The following UBE2E2 variants were observed in gnomAD, a reference collection of about 807,000 sequenced individuals.
UBE2E2 encodes the protein ubiquitin-conjugating enzyme E2 E2.
A neutral mutation model predicts 24.7 loss-of-function variants in UBE2E2; 6 were observed. The observed-to-expected ratio is 0.24, with a 90% CI of 0.13 to 0.48. The LOEUF is 0.48. UBE2E2 is among the 20% of genes least tolerant of loss of function. The pLI, the probability that UBE2E2 is intolerant of heterozygous loss-of-function variation, is 0.99. For missense variants in UBE2E2, 169 were observed against 245.0 expected (o/e 0.69, Z 2.07); for synonymous variants, 104 against 83.6 (o/e 1.24, Z -1.33).
chr3:23,274,286 T>C (rs918063880), intron 3 of UBE2E2, among the ~76,000 whole-genome samples: 2 of 152,166 alleles, frequency 1.3e-5, no homozygotes, highest in Non-Finnish European at 2.9e-5. Flanking sequence ...ATGATTTTTT[T>C]CCCTCTTTCT....
chr3:23,574,175 C>G (rs1696290599), intron 5 of UBE2E2, among the ~76,000 whole-genome samples: 1 of 151,976 alleles, frequency 6.6e-6, no homozygotes, highest in Non-Finnish European at 1.5e-5. Flanking sequence ...AAAATTAAAA[C>G]CACTGAACTC....
chr3:23,264,483 T>G (rs1454265956), intron 3 of UBE2E2, among the ~76,000 whole-genome samples: 1 of 152,144 alleles, frequency 6.6e-6, no homozygotes, highest in East Asian at 1.9e-4. Context: ...TCTGGGAGAT[T>G]TGGGATGATT....
At chr3:23,401,981 C>A (rs181619034) in intron 3 of UBE2E2, among the ~76,000 whole-genome samples, 1 of 151,530 alleles carries the variant, frequency 6.6e-6, no homozygotes, top group African/African-American at 2.4e-5. Flanking sequence ...CTCAGCCTCC[C>A]GAATAGCTGG....
intron 4 of UBE2E2, among the ~76,000 whole-genome samples, chr3:23,507,338 T>C (rs1413508671): frequency 6.6e-6 from 1 of 152,350 alleles, no homozygotes; most frequent in Non-Finnish European, 1.5e-5. Context: ...CTTGGTGTTA[T>C]ATATTTCTTT....
chr3:23,474,939 G>T lies in UBE2E2; in HGVS notation c.228-24669G>T, dbSNP rs74467184. On this transcript the variant is annotated intron_variant, in intron 3 of 5. Transcript: ENST00000396703. The surrounding 1 kb of genome is among the most constrained non-coding windows in gnomAD (Gnocchi z 4.0). Reference sequence around the variant, plus strand: ...TTTTTTTATTTCTTAACCCACAACCGATGACAAGCATTTCACTCAAATTGC... The same window carrying T: ...TTTTTTTATTTCTTAACCCACAACCTATGACAAGCATTTCACTCAAATTGC... Among the ~76,000 whole-genome samples the T allele has an allele frequency of 6.6e-6, 1 of 151,852 alleles. No homozygotes were observed. Among genetic ancestry groups the T allele is most frequent in the Non-Finnish European group, 1.5e-5 (1 of 68,010 alleles).
At chr3:23,404,500 T>C (rs1451953749) in intron 3 of UBE2E2, among the ~76,000 whole-genome samples, 1 of 152,212 alleles carries the variant, frequency 6.6e-6, no homozygotes, top group Non-Finnish European at 1.5e-5. Context: ...AATTGAGAGC[T>C]CTGAGTTCAT....
chr3:23,270,647 TTC>T (rs1484100053), intron 3 of UBE2E2, among the ~76,000 whole-genome samples: 3 of 152,188 alleles, frequency 2.0e-5, no homozygotes, highest in Non-Finnish European at 4.4e-5. Flanking sequence ...CTCTGAAGCT[TTC>T]AGTCTTTTAA....
chr3:23,236,517 T>C lies in UBE2E2; in HGVS notation c.227+19205T>C, dbSNP rs370352784. 3.4e-5 allele frequency among the ~76,000 whole-genome samples: 5 copies of C among 148,962 alleles called. No individual in the cohort carries two copies. In the East Asian group the frequency reaches 8.1e-4, roughly 24 times the overall value. On this transcript the variant is annotated intron_variant, in intron 3 of 5. Coordinates refer to ENST00000396703, the MANE Select transcript of UBE2E2 (RefSeq NM_152653.4). Reference sequence around the variant, plus strand: ...TTTTTTTTGGCCTGTGGACTGAACATAGCTGTTCAGTGTGTATCATTATTT... The same window carrying C: ...TTTTTTTTGGCCTGTGGACTGAACACAGCTGTTCAGTGTGTATCATTATTT...
chr3:23,483,605 A>G (rs758117930), intron 3 of UBE2E2, among the ~76,000 whole-genome samples: 4 of 152,208 alleles, frequency 2.6e-5, no homozygotes, highest in South Asian at 2.1e-4. Context: ...GTGCCTATCA[A>G]ACTTTTAATG....
At chr3:23,569,405 T>C (rs1696169837) in intron 5 of UBE2E2, among the ~76,000 whole-genome samples, 1 of 152,176 alleles carries the variant, frequency 6.6e-6, no homozygotes, top group African/African-American at 2.4e-5. Flanking sequence ...TGGATTGTGG[T>C]AATGGTTGCC....
chr3:23,482,536 T>C (rs1699279068), intron 3 of UBE2E2, among the ~76,000 whole-genome samples: 1 of 152,154 alleles, frequency 6.6e-6, no homozygotes, highest in Non-Finnish European at 1.5e-5. Context: ...CTGCCCACGC[T>C]GTTCTTGACT....
At position 23,440,787 on chromosome 3, in the gene UBE2E2, A is replaced by T. The variant is rs547842546; in HGVS notation, c.228-58821A>T. Among the ~76,000 whole-genome samples the T allele has an allele frequency of 1.9e-4, 29 of 150,224 alleles. No homozygotes were observed. The East Asian group carries it at 3.4e-3, about 17-fold the overall frequency. On this transcript the variant is annotated intron_variant, in intron 3 of 5. Transcript: ENST00000396703. ...CTGAGTTATTCTTTGACTTGGATTT[A>T]AAAAAAAAGAAAAAAAGTGTCCTGA...
chr3:23,324,108 A>G (rs971707597), intron 3 of UBE2E2, among the ~76,000 whole-genome samples: 1 of 152,076 alleles, frequency 6.6e-6, no homozygotes, highest in Admixed American at 6.5e-5. Context: ...ACTACTTACT[A>G]TATGATGTCT....
At chr3:23,531,344 A>C (rs1377769240) in intron 4 of UBE2E2, among the ~76,000 whole-genome samples, 1 of 152,108 alleles carries the variant, frequency 6.6e-6, no homozygotes, top group Non-Finnish European at 1.5e-5. Context: ...TCAACTTAAA[A>C]TTTAAGAACA....
intron 3 of UBE2E2, among the ~76,000 whole-genome samples, chr3:23,293,510 C>T (rs1211134947): frequency 6.6e-6 from 1 of 152,062 alleles, no homozygotes; most frequent in Non-Finnish European, 1.5e-5. Context: ...TGAGATAATA[C>T]GGTCTTACGT....
chr3:23,215,050 A>G (rs766627649), intron 2 of UBE2E2, among the ~76,000 whole-genome samples: 22 of 152,080 alleles, frequency 1.4e-4, no homozygotes, highest in Non-Finnish European at 2.9e-4. Context: ...TGATAGTTAA[A>G]ATTTTTTTAA....
chr3:23,347,405 G>T (rs1695591282), intron 3 of UBE2E2, among the ~76,000 whole-genome samples: 1 of 152,180 alleles, frequency 6.6e-6, no homozygotes, highest in African/African-American at 2.4e-5. Flanking sequence ...CCTTTGCAGG[G>T]ACATGGATGA....
chr3:23,523,781 C>G (rs1694922972), intron 4 of UBE2E2, among the ~76,000 whole-genome samples: 1 of 151,008 alleles, frequency 6.6e-6, no homozygotes, highest in Non-Finnish European at 1.5e-5. Context: ...GCAGTGCTCT[C>G]AAATTGGTTT....
intron 5 of UBE2E2, among the ~76,000 whole-genome samples, chr3:23,540,067 A>C (rs914112910): frequency 6.6e-6 from 1 of 151,954 alleles, no homozygotes; most frequent in Non-Finnish European, 1.5e-5. Context: ...TTTATTATTT[A>C]TTTATTTATT....
Sources: allele counts gnomAD v4.1 joint callset (sites outside exome capture counted in the v4.1 genomes callset), GRCh38; gene constraint gnomAD v4.1.1; non-coding constraint Gnocchi (gnomAD v3.1); transcripts MANE v1.5; gene names NCBI Gene and HGNC (gene_info 2026-07-23, HGNC 2026-07-21).